Variants in PPP1R13L observed in about 807,000 individuals in gnomAD.
PPP1R13L encodes the protein protein phosphatase 1 regulatory subunit 13 like.
A neutral mutation model predicts 80.9 loss-of-function variants in PPP1R13L; 50 were observed. That is an observed-to-expected ratio of 0.62 (90% CI 0.49 to 0.78). PPP1R13L has a LOEUF of 0.78. Ranked by LOEUF, PPP1R13L falls within the 30% of genes least tolerant of loss-of-function variation. The probability of loss-of-function intolerance (pLI) is 0.00; values close to 1 mark genes in which losing one functional copy is unlikely to be tolerated. For missense variants in PPP1R13L, 1,200 were observed against 1,205.9 expected (o/e 1.00, Z 0.07); for synonymous variants, 602 against 534.3 (o/e 1.13, Z -1.75).
intron 1 of PPP1R13L, among the ~76,000 whole-genome samples, chr19:45,404,372 A>C (rs1210419289): frequency 6.6e-6 from 1 of 152,176 alleles, no homozygotes; most frequent in Admixed American, 6.5e-5. Flanking sequence ...TCTGACGCCC[A>C]GGTTAATGAC....
chr19:45,382,414 C>T, intron 12 of PPP1R13L, 113 bp downstream of exon 12: 1 of 1,277,034 alleles, frequency 7.8e-7, no homozygotes, highest in Non-Finnish European at 1.1e-6. Flanking sequence ...TTCAGACCTC[C>T]CTCTCCCAAT....
chr19:45,395,243 G>T lies in PPP1R13L; in HGVS notation c.1354+193C>A, dbSNP rs549631709. On this transcript the variant is annotated intron_variant, in intron 7 of 12. Coordinates refer to ENST00000360957, the MANE Select transcript of PPP1R13L (RefSeq NM_006663.4). ...TGGAACCAGGCAGTCTGGCTTCAGG[G>T]TCCACACTTAACCTTTGAGCTATCC... 5.5e-6 allele frequency: 4 copies of T among 721,238 alleles called. No homozygotes were observed. The African/African-American group carries it at 7.0e-5, about 13-fold the overall frequency. 44.7% of individuals were successfully genotyped at this position (721,238 alleles called of 1,614,324 possible).
rs773951416 is a variant in PPP1R13L, at chr19:45,395,760, G to T, written c.1030C>A (p.Arg344Ser). 2 of 1,544,100 alleles carry T rather than the reference G, an allele frequency of 1.3e-6. No homozygotes were observed. Among genetic ancestry groups the T allele is most frequent in the Non-Finnish European group, 8.7e-7 (1 of 1,150,422 alleles). The change falls in exon 7 of 13, where the codon CGC becomes AGC. Residue 344 changes from arginine to serine, a missense_variant. Transcript: ENST00000360957. ...GSAGPSGTLP[R>S]SWQPVSRIPM... is the part of the protein sequence containing the mutation. ...ATGCGGCTGACGGGCTGCCAGCTGC[G>T]AGGCAAAGTGCCCGACGGCCCCGCG...
chr19:45,386,419 T>A (rs1368284313), intron 8 of PPP1R13L, among the ~76,000 whole-genome samples: 5 of 151,954 alleles, frequency 3.3e-5, no homozygotes, highest in African/African-American at 9.7e-5. Context: ...GGGAGAAAGC[T>A]GGGGGGCCAT....
chr19:45,405,889 T>C (rs1172590151), upstream of PPP1R13L, among the ~76,000 whole-genome samples: 1 of 152,222 alleles, frequency 6.6e-6, no homozygotes, highest in East Asian at 1.9e-4. Context: ...TGTGTCCACG[T>C]GCCGCTGTTT....
intron 8 of PPP1R13L, among the ~76,000 whole-genome samples, chr19:45,387,165 G>A (rs1049146601): frequency 6.6e-6 from 1 of 151,960 alleles, no homozygotes; most frequent in Non-Finnish European, 1.5e-5. Context: ...CTACTTGGGA[G>A]GCTGAGGCAG....
rs1972856114 is a variant in PPP1R13L, at chr19:45,385,830, T to A, written c.2075A>T (p.His692Leu). Residue 692 changes from histidine to leucine, a missense_variant, in exon 10 of 13, where the codon CAC becomes CTC. Around this residue, in one of 5 missense-constraint regions of PPP1R13L, gnomAD observed 214 missense variants for 199.6 expected, o/e 1.07. Transcript: ENST00000360957. Reference sequence around the variant, plus strand: ...CGCGCGGGTCGGGGCTCACCAGCCGTGGCTGTCGGGGGAGTTGACATTGGC... The same window carrying A: ...CGCGCGGGTCGGGGCTCACCAGCCGAGGCTGTCGGGGGAGTTGACATTGGC... ...AGANVNSPDS[H>L]GWTPLHCAAS... The A allele has an allele frequency of 1.9e-6, 3 of 1,611,318 alleles. No individual in the cohort carries two copies. Among genetic ancestry groups the A allele is most frequent in the Non-Finnish European group, 2.5e-6 (3 of 1,179,030 alleles).
chr19:45,392,551 G>A (rs1403932144), intron 7 of PPP1R13L: 8 of 663,604 alleles, frequency 1.2e-5, no homozygotes, highest in East Asian at 2.7e-5. Context: ...TGTGCCTGGC[G>A]CTTTACATGC....
Position 45,397,462 on chromosome 19 carries a change from TTCTC to T in PPP1R13L, c.199-408_199-405del, listed in dbSNP as rs750460850. On this transcript the variant is annotated intron_variant, in intron 3 of 12. Coordinates refer to ENST00000360957, the MANE Select transcript of PPP1R13L (RefSeq NM_006663.4). Reference sequence around the variant, plus strand: ...CTCCCTCCCTCCCTGCTTGCTTGCTTTCTCTCTCTCTCTTTCTTTCTTTCTTTCT... The same window carrying T: ...CTCCCTCCCTCCCTGCTTGCTTGCTTTCTCTCTCTTTCTTTCTTTCTTTCT... 1.5e-3 allele frequency among the ~76,000 whole-genome samples: 163 copies of T among 107,002 alleles called. 4 individuals are homozygous for T. Among genetic ancestry groups the T allele is most frequent in the African/African-American group, 5.7e-3 (128 of 22,538 alleles). 70.2% of individuals were successfully genotyped at this position (107,002 alleles called of 152,430 possible).
intron 1 of PPP1R13L, among the ~76,000 whole-genome samples, chr19:45,403,936 CCT>C (rs1973278054): frequency 6.6e-6 from 1 of 152,088 alleles, no homozygotes; most frequent in African/African-American, 2.4e-5. Context: ...CCAGAATTAG[CCT>C]CTGTCCCTCC....
chr19:45,392,429 C>G (rs1291378072), intron 7 of PPP1R13L, 89 bp from the exon 8 acceptor site: 5 of 1,359,448 alleles, frequency 3.7e-6, no homozygotes, highest in Non-Finnish European at 5.2e-6. Context: ...ACAACCAGCA[C>G]ATGATTTTCT....
intron 1 of PPP1R13L, 143 bp from the exon 2 acceptor site, chr19:45,398,482 C>G: frequency 7.6e-6 from 6 of 791,412 alleles, no homozygotes; most frequent in Non-Finnish European, 1.2e-5. Flanking sequence ...ACCTCCCCAG[C>G]TGGGAAATGC....
At chr19:45,401,737 C>T (rs4802253) in intron 1 of PPP1R13L, among the ~76,000 whole-genome samples, 14,646 of 152,092 alleles carry the variant, frequency 0.096, 1,368 homozygotes, top group East Asian at 0.3. Flanking sequence ...GGTTGCACTG[C>T]TCTGGAAGTC....
At chr19:45,384,842 C>T (rs1972835435) in intron 11 of PPP1R13L, among the ~76,000 whole-genome samples, 1 of 152,190 alleles carries the variant, frequency 6.6e-6, no homozygotes, top group Non-Finnish European at 1.5e-5. Context: ...GACAGTGAGA[C>T]TCTGTCTCAA....
At position 45,382,685 on chromosome 19, in the gene PPP1R13L, A is replaced by G. The variant is rs1972787117; in HGVS notation, c.2290T>C (p.Tyr764His). 1 of 1,613,892 alleles carries G rather than the reference A, an allele frequency of 6.2e-7. No individual in the cohort carries two copies. Among genetic ancestry groups the G allele is most frequent in the South Asian group, 1.1e-5 (1 of 91,086 alleles). The part of the protein sequence containing the change: ...SMGLMNSGAV[Y>H]ALWDYSAEFG... ...TCGGCGCTGTAGTCCCAGAGAGCGT[A>G]CACTGCCCCGCTGTTCATCAGCCCC... The change falls in exon 12 of 13, where the codon TAC (tyrosine) becomes CAC (histidine). Residue 764 changes from tyrosine (Y) to histidine (H), a missense_variant. Physicochemically the swap from Tyr to His is moderately conservative, Grantham distance 83. Around this residue, in one of 5 missense-constraint regions of PPP1R13L, gnomAD observed 165 missense variants for 177.1 expected, o/e 0.93. Transcript: ENST00000360957.
In PPP1R13L at chr19:45,396,338, G is replaced by GTGGTGGAGC. The variant is rs1214770955; in HGVS notation, c.810_811insGCTCCACCA (p.Glu270_Arg271insAlaProPro). 2.5e-6 allele frequency: 4 copies of GTGGTGGAGC among 1,614,102 alleles called. No homozygotes were observed. In the Admixed American group the frequency reaches 6.7e-5, roughly 27 times the overall value. On this transcript the variant is annotated inframe_insertion and splice_region_variant, in exon 5 of 13. Coordinates refer to ENST00000360957, the MANE Select transcript of PPP1R13L (RefSeq NM_006663.4). The surrounding 1 kb of genome is among the most constrained non-coding windows in gnomAD (Gnocchi z 5.3). ...CATTCCCCGGGCCTCCACCACTCAC[G>GTGGTGGAGC]TTCATAGCTCGCTGTCTGCGAAGGC...
Position 45,395,839 on chromosome 19 carries a change from A to G in PPP1R13L, c.951T>C (p.Pro317=), listed in dbSNP as rs1422007607. ...CGTCTGAACGCCGGTCGCTGGCCAG[A>G]GGAGAGACCTTGTAATTGCGCGGCA... ...ATLPRNYKVS[P]LASDRRSDAG... is the part of the protein sequence containing the mutation. Residue 317 remains proline (P), a synonymous_variant, in exon 7 of 13, where the codon CCT becomes CCC. Transcript: ENST00000360957. The G allele has an allele frequency of 6.3e-7, 1 of 1,597,828 alleles. No homozygotes were observed. The highest frequency in any genetic ancestry group is 1.1e-5 in the South Asian group (1 of 88,606).
At chr19:45,388,673 A>G (rs927335674) in intron 8 of PPP1R13L, among the ~76,000 whole-genome samples, 4 of 152,196 alleles carry the variant, frequency 2.6e-5, no homozygotes, top group Non-Finnish European at 5.9e-5. Flanking sequence ...GGTGACTTCA[A>G]GAATCAGTAA....
intron 8 of PPP1R13L, among the ~76,000 whole-genome samples, chr19:45,386,809 T>A (rs1972880427): frequency 6.6e-6 from 1 of 151,726 alleles, no homozygotes; most frequent in Admixed American, 6.6e-5. Flanking sequence ...CTAATTTTCA[T>A]ATTTTTAGTA....
Sources: allele counts gnomAD v4.1 joint callset (sites outside exome capture counted in the v4.1 genomes callset), GRCh38; gene constraint gnomAD v4.1.1; regional missense constraint gnomAD v4.1.1; non-coding constraint Gnocchi (gnomAD v3.1); transcripts MANE v1.5; gene names NCBI Gene and HGNC (gene_info 2026-07-23, HGNC 2026-07-21).